Variants in SRPK2 observed in about 807,000 individuals in gnomAD.
SRPK2 encodes SRSF protein kinase 2, also known as SFRS protein kinase 2.
SRPK2 carries 21 observed loss-of-function variants against 90.8 expected under a neutral mutation model. That is an observed-to-expected ratio of 0.23 (90% CI 0.16 to 0.33). The LOEUF (loss-of-function observed/expected upper bound fraction) is 0.33, where lower values mean the gene tolerates loss of function less well. SRPK2 is among the 10% of genes least tolerant of loss of function. The probability of loss-of-function intolerance (pLI) is 1.00; values close to 1 mark genes in which losing one functional copy is unlikely to be tolerated. For missense variants in SRPK2, 620 were observed against 869.0 expected (o/e 0.71, Z 3.60); for synonymous variants, 288 against 311.1 (o/e 0.93, Z 0.78).
intron 7 of SRPK2, among the ~76,000 whole-genome samples, chr7:105,154,222 T>G (rs1806166494): frequency 6.6e-6 from 1 of 152,240 alleles, no homozygotes. Context: ...TGCCCAGCAC[T>G]GGGACTGCAC....
chr7:105,159,510 G>A (rs1807230353), intron 7 of SRPK2, among the ~76,000 whole-genome samples: 1 of 142,968 alleles, frequency 7.0e-6, no homozygotes, highest in South Asian at 2.2e-4. Flanking sequence ...ACACAGGCAG[G>A]CTAAACAAAG....
At chr7:105,149,533 A>G (rs1805284082) in intron 7 of SRPK2, among the ~76,000 whole-genome samples, 1 of 152,212 alleles carries the variant, frequency 6.6e-6, no homozygotes, top group African/African-American at 2.4e-5. Context: ...GGTCCTTGGT[A>G]TGCTGGGCGC....
rs187049137 is a variant in SRPK2, at chr7:105,149,725, G to A, written c.622-3067C>T. ...GTGGAAGGCATCTGATCAACAGTAA[G>A]CTATTAGTAGTTAGCCTACTGTTAG... On this transcript the variant is annotated intron_variant, in intron 7 of 15. Coordinates refer to ENST00000393651, the MANE Select transcript of SRPK2 (RefSeq NM_182692.3). Among the ~76,000 whole-genome samples, 52 of 152,298 alleles carry A rather than the reference G, an allele frequency of 3.4e-4. 1 individual carries two copies. The highest frequency in any genetic ancestry group is 1.1e-3 in the African/African-American group (45 of 41,560).
At chr7:105,372,559 G>A (rs1819825899) in intron 2 of SRPK2, among the ~76,000 whole-genome samples, 3 of 152,052 alleles carry the variant, frequency 2.0e-5, no homozygotes, top group Admixed American at 2.0e-4. Flanking sequence ...CCAAACAAAG[G>A]AAAGAAAAAA....
chr7:105,192,579 G>A (rs1202207673), intron 3 of SRPK2, among the ~76,000 whole-genome samples: 1 of 152,172 alleles, frequency 6.6e-6, no homozygotes, highest in Non-Finnish European at 1.5e-5. Context: ...TGGGATTGCT[G>A]GATCAATGGT....
chr7:105,365,400 C>T (rs1345793453), intron 2 of SRPK2, among the ~76,000 whole-genome samples: 3 of 149,512 alleles, frequency 2.0e-5, no homozygotes, highest in East Asian at 3.9e-4. Context: ...GCAGGAGAAT[C>T]GCTTGAACCC....
intron 9 of SRPK2, chr7:105,143,632 G>T: frequency 3.0e-6 from 1 of 333,570 alleles, no homozygotes; most frequent in East Asian, 6.3e-5. Flanking sequence ...AATTCTCTTG[G>T]CCTTAAAGGA....
At chr7:105,360,375 T>C (rs1329745736) in intron 2 of SRPK2, among the ~76,000 whole-genome samples, 2 of 152,228 alleles carry the variant, frequency 1.3e-5, no homozygotes, top group Non-Finnish European at 2.9e-5. Flanking sequence ...ATTTAGCCCA[T>C]TTACATTTAA....
intron 2 of SRPK2, among the ~76,000 whole-genome samples, chr7:105,229,814 G>T (rs1799205116): frequency 6.7e-6 from 1 of 148,542 alleles, no homozygotes; most frequent in South Asian, 2.3e-4. Context: ...TGGGTGGGGG[G>T]GAATGGGGGT....
rs947156651 is a variant in SRPK2, at chr7:105,272,177, CCACT to C, written c.72-68396_72-68393del. On this transcript the variant is annotated intron_variant, in intron 2 of 15. Coordinates refer to ENST00000393651, the MANE Select transcript of SRPK2 (RefSeq NM_182692.3). ...CTTCATGGTTCTTCCAAAGCAGCAC[CCACT>C]GTCTCCATGTATACATTTAGACCAG... Among the ~76,000 whole-genome samples the C allele has an allele frequency of 6.6e-5, 10 of 152,262 alleles. No individual in the cohort carries two copies. The East Asian group carries it at 1.4e-3, about 21-fold the overall frequency.
intron 3 of SRPK2, among the ~76,000 whole-genome samples, chr7:105,195,960 G>C (rs990782683): frequency 4.6e-5 from 7 of 152,298 alleles, no homozygotes; most frequent in African/African-American, 1.4e-4. Context: ...CTAGAAAGTA[G>C]GGCTGTTTCT....
At chr7:105,156,872 A>T (rs1472585664) in intron 7 of SRPK2, among the ~76,000 whole-genome samples, 3 of 152,172 alleles carry the variant, frequency 2.0e-5, no homozygotes, top group Non-Finnish European at 2.9e-5. Flanking sequence ...TAACTTGGCC[A>T]AAGCCCTTTG....
intron 7 of SRPK2, among the ~76,000 whole-genome samples, chr7:105,154,559 C>T (rs1013569399): frequency 6.6e-6 from 1 of 151,980 alleles, no homozygotes; most frequent in Non-Finnish European, 1.5e-5. Context: ...GGGGCACCAC[C>T]GTGGCTCTCG....
At chr7:105,346,326 A>C (rs559511811) in intron 2 of SRPK2, among the ~76,000 whole-genome samples, 127 of 152,274 alleles carry the variant, frequency 8.3e-4, no homozygotes, top group African/African-American at 3.0e-3. Context: ...TTCTGCACTT[A>C]ACTGATTATC....
chr7:105,324,345 T>TG (rs1157999126), intron 2 of SRPK2, among the ~76,000 whole-genome samples: 2 of 151,216 alleles, frequency 1.3e-5, no homozygotes, highest in Non-Finnish European at 1.5e-5. Context: ...TTTTTTGAGA[T>TG]GGAGTCTCGC....
intron 2 of SRPK2, among the ~76,000 whole-genome samples, chr7:105,240,280 A>G (rs1363945599): frequency 6.6e-6 from 1 of 152,144 alleles, no homozygotes; most frequent in Non-Finnish European, 1.5e-5. Context: ...TTGGTGATCT[A>G]ATTGTCTCTC....
At chr7:105,246,233 G>T (rs6961027) in intron 2 of SRPK2, among the ~76,000 whole-genome samples, 1,775 of 152,068 alleles carry the variant, frequency 0.012, 43 homozygotes, top group African/African-American at 0.041. Flanking sequence ...TTCTGTCACC[G>T]ACCCCAGAGC....
intron 7 of SRPK2, among the ~76,000 whole-genome samples, chr7:105,148,999 T>C (rs1002331531): frequency 8.5e-5 from 13 of 152,226 alleles, no homozygotes; most frequent in African/African-American, 2.4e-4. Context: ...AAGCTGGGTA[T>C]TGTCCAAGGT....
chr7:105,169,298 A>G lies in SRPK2; in HGVS notation c.230-33T>C, dbSNP rs1444040042. 3 of 1,525,014 alleles carry G rather than the reference A, an allele frequency of 2.0e-6. No homozygotes were observed. In the Admixed American group the frequency reaches 5.1e-5, roughly 26 times the overall value. The allele number at this position is 1,525,014 out of a possible 1,614,324, so 94.5% of individuals were successfully genotyped here. A position where few individuals can be genotyped will look rare whatever the true frequency, so the allele number is the denominator to read the frequency against. On this transcript the variant is annotated intron_variant, in intron 3 of 15. Coordinates refer to ENST00000393651, the MANE Select transcript of SRPK2 (RefSeq NM_182692.3). ...AACAAGAAAGAAAGAAAAAAATTCA[A>G]AATATTCGAAAAGTAGTAATAAACA...
Sources: gnomAD v4.1 joint callset for allele counts (sites outside exome capture counted in the v4.1 genomes callset) on GRCh38, gnomAD v4.1.1 for gene constraint, MANE v1.5 for transcripts, NCBI Gene and HGNC (gene_info 2026-07-23, HGNC 2026-07-21) for gene names.